PTK7: variants seen among roughly 807,000 people sequenced by gnomAD.
PTK7 encodes protein tyrosine kinase 7 (inactive), also known as inactive tyrosine-protein kinase 7.
A neutral mutation model predicts 116.6 loss-of-function variants in PTK7; 39 were observed. The observed-to-expected ratio is 0.33, with a 90% CI of 0.26 to 0.44. The LOEUF is 0.44. Ranked by LOEUF, PTK7 falls within the 20% of genes least tolerant of loss-of-function variation. The pLI, the probability that PTK7 is intolerant of heterozygous loss-of-function variation, is 1.00. For missense variants in PTK7, 1,169 were observed against 1,425.6 expected, an observed-to-expected ratio of 0.82 and a Z score of 2.90; for synonymous variants, 546 against 563.6, an observed-to-expected ratio of 0.97 and a Z score of 0.44.
intron 1 of PTK7, among the ~76,000 whole-genome samples, chr6:43,095,610 A>C (rs1767209732): frequency 6.6e-6 from 1 of 152,214 alleles, no homozygotes; most frequent in African/African-American, 2.4e-5. Context: ...CCCTCGATTA[A>C]GGAATGCTCT....
chr6:43,078,122 G>T (rs1766161814), intron 1 of PTK7, among the ~76,000 whole-genome samples: 1 of 152,226 alleles, frequency 6.6e-6, no homozygotes, highest in African/African-American at 2.4e-5. Flanking sequence ...TGCTGTTCAG[G>T]GTACTAGAGT....
Position 43,076,373 on chromosome 6 carries a change from C to T in PTK7, c.-116C>T. On this transcript the variant is annotated 5_prime_UTR_variant, in exon 1 of 20. Coordinates refer to ENST00000230419, the MANE Select transcript of PTK7 (RefSeq NM_002821.5). The surrounding 1 kb of genome is among the most constrained non-coding windows in gnomAD (Gnocchi z 5.7). ...GGGACGCCTCGGGGTCGGGCTCCGG[C>T]TGCGGCTGCTGCTGCGGCGCCCGCG... is the stretch of plus-strand genomic sequence containing the variant. 2.8e-6 allele frequency: 2 copies of T among 722,848 alleles called. 1 individual carries two copies. The highest frequency in any genetic ancestry group is 3.8e-6 in the Non-Finnish European group (2 of 528,570). 44.8% of individuals were successfully genotyped at this position (722,848 alleles called of 1,614,324 possible).
At chr6:43,079,561 A>G (rs550388765) in intron 1 of PTK7, among the ~76,000 whole-genome samples, 1 of 151,846 alleles carries the variant, frequency 6.6e-6, no homozygotes, top group Admixed American at 6.6e-5. Flanking sequence ...TCGTATTTAC[A>G]TATAACGTAC....
intron 1 of PTK7, among the ~76,000 whole-genome samples, chr6:43,097,979 G>A (rs1767351211): frequency 6.6e-6 from 1 of 152,272 alleles, no homozygotes; most frequent in South Asian, 2.1e-4. Flanking sequence ...AGCTCAAGAC[G>A]TTTTTGGATT....
At position 43,139,119 on chromosome 6, in the gene PTK7, T is replaced by C; in HGVS notation, c.1363-17T>C. ...GGGTGTGGGTTCAGGCTCTGAGGCCTCTCACCTGTGCTGCAGGACTCACGG... is the reference window on the plus strand; with the variant it reads ...GGGTGTGGGTTCAGGCTCTGAGGCCCCTCACCTGTGCTGCAGGACTCACGG... On this transcript the variant is annotated splice_polypyrimidine_tract_variant and intron_variant, in intron 8 of 19. Transcript: ENST00000230419. The surrounding 1 kb of genome is among the most constrained non-coding windows in gnomAD (Gnocchi z 4.6). The C allele has an allele frequency of 1.2e-6, 2 of 1,613,956 alleles. No individual in the cohort carries two copies. Among genetic ancestry groups the C allele is most frequent in the Non-Finnish European group, 1.7e-6 (2 of 1,179,930 alleles).
intron 17 of PTK7, among the ~76,000 whole-genome samples, chr6:43,155,214 G>A (rs1412469616): frequency 6.6e-6 from 1 of 151,852 alleles, no homozygotes. Context: ...AAAGAGATAG[G>A]ATCTCACAAT....
At chr6:43,142,670 A>G in intron 13 of PTK7, 1 of 361,120 alleles carries the variant, frequency 2.8e-6, no homozygotes, top group Non-Finnish European at 5.4e-6. Context: ...AGAGAGGATG[A>G]TGGGTCAGGT....
intron 1 of PTK7, among the ~76,000 whole-genome samples, chr6:43,096,186 GGA>G (rs1767242646): frequency 6.6e-6 from 1 of 152,186 alleles, no homozygotes; most frequent in South Asian, 2.1e-4. Context: ...TCAGCCTCGG[GGA>G]GAGGTGTTGA....
intron 7 of PTK7, among the ~76,000 whole-genome samples, chr6:43,135,829 TG>T (rs1770001368): frequency 2.0e-5 from 3 of 152,170 alleles, no homozygotes; most frequent in Admixed American, 1.3e-4. Flanking sequence ...CCGAGGCAGG[TG>T]GATCACTTGA....
chr6:43,087,806 C>A (rs571648665), intron 1 of PTK7, among the ~76,000 whole-genome samples: 1 of 152,218 alleles, frequency 6.6e-6, no homozygotes, highest in African/African-American at 2.4e-5. Flanking sequence ...GCACTTTAAT[C>A]TAAGGGCTGC....
At chr6:43,147,671 G>A (rs554710339) in intron 17 of PTK7, among the ~76,000 whole-genome samples, 2 of 152,310 alleles carry the variant, frequency 1.3e-5, no homozygotes, top group Admixed American at 1.3e-4. Flanking sequence ...ATGGGACCCT[G>A]GCTGCCCCCA....
At chr6:43,142,572 C>G (rs960749127) in intron 13 of PTK7, 1 of 534,776 alleles carries the variant, frequency 1.9e-6, no homozygotes, top group African/African-American at 1.9e-5. Context: ...TCCCAGGTTC[C>G]TGCAGCAGCC....
Position 43,129,743 on chromosome 6 carries a change from T to C in PTK7, c.384T>C (p.Pro128=), listed in dbSNP as rs565963125. The C allele has an allele frequency of 4.3e-6, 7 of 1,614,010 alleles. No homozygotes were observed. Among genetic ancestry groups the C allele is most frequent in the South Asian group, 1.1e-5 (1 of 91,086 alleles). ...SFNIKWIEAG[P]VVLKHPASEA... ...CTGCTACAGGGATTGAGGCAGGTCC[T>C]GTGGTCCTGAAGCATCCAGCCTCGG... Residue 128 remains proline, a synonymous_variant, in exon 3 of 20, where the codon CCT becomes CCC. Coordinates refer to ENST00000230419, the MANE Select transcript of PTK7 (RefSeq NM_002821.5). This position sits in a 1 kb window ranked among gnomAD's most constrained non-coding sequence, Gnocchi z 4.5.
intron 1 of PTK7, among the ~76,000 whole-genome samples, chr6:43,080,588 C>A (rs1303798997): frequency 6.6e-6 from 1 of 152,106 alleles, no homozygotes; most frequent in Non-Finnish European, 1.5e-5. Flanking sequence ...CCTGGATGAA[C>A]CTCTTAGCTT....
intron 1 of PTK7, among the ~76,000 whole-genome samples, chr6:43,109,655 C>T (rs188261542): frequency 6.6e-5 from 10 of 151,676 alleles, no homozygotes; most frequent in Admixed American, 1.3e-4. Context: ...GGGTAGAACT[C>T]GTTCTAATTT....
chr6:43,145,478 G>A lies in PTK7; in HGVS notation c.2640+46G>A. 1 of 1,454,718 alleles carries A rather than the reference G, an allele frequency of 6.9e-7. No individual in the cohort carries two copies. The highest frequency in any genetic ancestry group is 9.3e-7 in the Non-Finnish European group (1 of 1,078,220). 90.1% of individuals were successfully genotyped at this position (1,454,718 alleles called of 1,614,324 possible). A position where few individuals can be genotyped will look rare whatever the true frequency, so the allele number is the denominator to read the frequency against. On this transcript the variant is annotated intron_variant, in intron 16 of 19. Coordinates refer to ENST00000230419, the MANE Select transcript of PTK7 (RefSeq NM_002821.5). This position sits in a 1 kb window ranked among gnomAD's most constrained non-coding sequence, Gnocchi z 4.8. Reference sequence around the variant, plus strand: ...GTGGGGGTCTCGGGTAGGGAGGGCAGTGTCCTACAAAGGTGGGAGTCAGTG... The same window carrying A: ...GTGGGGGTCTCGGGTAGGGAGGGCAATGTCCTACAAAGGTGGGAGTCAGTG...
intron 1 of PTK7, among the ~76,000 whole-genome samples, chr6:43,087,666 C>G (rs1766733091): frequency 6.6e-6 from 1 of 152,172 alleles, no homozygotes; most frequent in South Asian, 2.1e-4. Context: ...CAGGTCCCAT[C>G]CTCTTCTCCA....
At chr6:43,134,413 G>A (rs558977865) in intron 7 of PTK7, among the ~76,000 whole-genome samples, 27 of 152,220 alleles carry the variant, frequency 1.8e-4, no homozygotes, top group African/African-American at 5.8e-4. Flanking sequence ...TTGGGAGGCC[G>A]AGATAGGAAG....
rs1279458216 is a variant in PTK7, at chr6:43,129,185, T to C, written c.288T>C (p.Ser96=). The stretch of plus-strand genomic sequence containing the variant: ...CAGCTGTGGACCGGCTGCAGGACTC[T>C]GGCACCTTCCAGTGTGTGGCTCGGG... ...SFAAVDRLQD[S]GTFQCVARDD... Residue 96 remains serine (S), a synonymous_variant, in exon 2 of 20, where the codon TCT becomes TCC. Coordinates refer to ENST00000230419, the MANE Select transcript of PTK7 (RefSeq NM_002821.5). This position sits in a 1 kb window ranked among gnomAD's most constrained non-coding sequence, Gnocchi z 4.5. 1 of 1,614,186 alleles carries C rather than the reference T, an allele frequency of 6.2e-7. No individual in the cohort carries two copies. Among genetic ancestry groups the C allele is most frequent in the South Asian group, 1.1e-5 (1 of 91,090 alleles).
Sources: allele counts gnomAD v4.1 joint callset (sites outside exome capture counted in the v4.1 genomes callset), GRCh38; gene constraint gnomAD v4.1.1; non-coding constraint Gnocchi (gnomAD v3.1); transcripts MANE v1.5; gene names NCBI Gene and HGNC (gene_info 2026-07-23, HGNC 2026-07-21).